Variants in STX8 observed in about 807,000 individuals in gnomAD.
The protein encoded by STX8 is syntaxin-8.
STX8 carries 23 observed loss-of-function variants against 37.5 expected under a neutral mutation model. The observed-to-expected ratio is 0.61, with a 90% confidence interval of 0.44 to 0.87. The LOEUF (loss-of-function observed/expected upper bound fraction) is 0.87. STX8 is among the 40% of genes least tolerant of loss of function. The pLI is 0.00. For synonymous variants in STX8, 115 were observed against 99.1 expected (o/e 1.16, Z -0.95); for missense variants, 313 against 284.7 (o/e 1.10, Z -0.71).
intron 7 of STX8, among the ~76,000 whole-genome samples, chr17:9,269,618 T>C (rs181738874): frequency 1.3e-5 from 2 of 152,376 alleles, no homozygotes; most frequent in East Asian, 1.9e-4. Flanking sequence ...AAAGGTCAGA[T>C]TTGGCTTTGC....
intron 6 of STX8, among the ~76,000 whole-genome samples, chr17:9,380,113 T>G (rs1467934128): frequency 6.6e-6 from 1 of 152,150 alleles, no homozygotes; most frequent in Non-Finnish European, 1.5e-5. Flanking sequence ...TTTGTATCCA[T>G]CTTTTTATAT....
intron 4 of STX8, 131 bp from the exon 5 acceptor site, chr17:9,505,293 T>A: frequency 3.1e-6 from 3 of 972,348 alleles, no homozygotes; most frequent in Non-Finnish European, 3.0e-6. Flanking sequence ...TATTGCATCA[T>A]TAGTTTATGC....
In STX8 at chr17:9,306,299, C is replaced by T. The variant is rs527823817; in HGVS notation, c.644-55654G>A. Among the ~76,000 whole-genome samples, 21 of 152,158 alleles carry T rather than the reference C, an allele frequency of 1.4e-4. No individual in the cohort carries two copies. In the South Asian group the frequency reaches 4.2e-3, roughly 30 times the overall value. On this transcript the variant is annotated intron_variant, in intron 7 of 7. Transcript: ENST00000306357. ...TTAATGACTCATTTCTCAGAACACA[C>T]CCCTGTTGTTAAGCGAAACAGACCT... is the stretch of plus-strand genomic sequence containing the variant.
At chr17:9,560,878 C>A (rs913030201) in intron 2 of STX8, among the ~76,000 whole-genome samples, 25 of 151,814 alleles carry the variant, frequency 1.6e-4, no homozygotes, top group African/African-American at 5.3e-4. Flanking sequence ...CAAAAAACTA[C>A]AATAGCTGAT....
intron 6 of STX8, among the ~76,000 whole-genome samples, chr17:9,383,259 C>G (rs1179406483): frequency 6.6e-6 from 1 of 152,112 alleles, no homozygotes; most frequent in Non-Finnish European, 1.5e-5. Context: ...CAACCTAGCA[C>G]AAAAGTTTTT....
In STX8 at chr17:9,575,797, G is replaced by C. The variant is rs998921795; in HGVS notation, c.12C>G (p.Asp4Glu). The change falls in exon 1 of 8, where the codon GAC becomes GAG. Residue 4 changes from aspartate to glutamate, a missense_variant. Asp to Glu is a conservative substitution (Grantham distance 45, BLOSUM62 2). Transcript: ENST00000306357. ...CGCCCTCACCCGGGACTCACCAGGG[G>C]TCCGGTGCCATCCTGCAGACTCCGC... Reference protein sequence around the residue: MAPDPWFSTYDSTC... With the variant: MAPEPWFSTYDSTC... 3.2e-6 allele frequency: 5 copies of C among 1,542,974 alleles called. No individual in the cohort carries two copies. The highest frequency in any genetic ancestry group is 4.4e-6 in the Non-Finnish European group (5 of 1,146,408).
chr17:9,317,124 G>A (rs1256867218), intron 7 of STX8, among the ~76,000 whole-genome samples: 2 of 152,148 alleles, frequency 1.3e-5, no homozygotes, highest in African/African-American at 4.8e-5. Context: ...TAACACAAGA[G>A]AGGACAAGAG....
At position 9,399,878 on chromosome 17, in the gene STX8, A is replaced by AAAG. The variant is rs1555523971; in HGVS notation, c.542-21226_542-21225insCTT. ...GAGACTCTGTCTCAAAAAAAAAAAA[A>AAAG]AAAGAAAGAAAGAAAGAAAGATGAG... On this transcript the variant is annotated intron_variant, in intron 6 of 7. Transcript: ENST00000306357. Among the ~76,000 whole-genome samples, 11 of 151,146 alleles carry AAAG rather than the reference A, an allele frequency of 7.3e-5. No individual in the cohort carries two copies. In the South Asian group the frequency reaches 8.3e-4, roughly 11 times the overall value.
chr17:9,304,127 G>C (rs1908875352), intron 7 of STX8, among the ~76,000 whole-genome samples: 1 of 150,632 alleles, frequency 6.6e-6, no homozygotes, highest in Admixed American at 6.6e-5. Context: ...TCAGCACTAA[G>C]AACATCAACA....
chr17:9,436,060 C>T lies in STX8; in HGVS notation c.541+55769G>A, dbSNP rs370151826. 8.5e-5 allele frequency among the ~76,000 whole-genome samples: 13 copies of T among 152,146 alleles called. 2 individuals are homozygous for T. In the East Asian group the frequency reaches 1.2e-3, roughly 14 times the overall value. ...CTAGCTAAATGAATGAAACAACATA[C>T]GTGGGTCCTGAAATGTTTTTCTTAA... is the stretch of plus-strand genomic sequence containing the variant. On this transcript the variant is annotated intron_variant, in intron 6 of 7. Coordinates refer to ENST00000306357, the MANE Select transcript of STX8 (RefSeq NM_004853.3).
intron 7 of STX8, among the ~76,000 whole-genome samples, chr17:9,288,140 CAA>C (rs60385667): frequency 3.3e-5 from 2 of 61,528 alleles, no homozygotes; most frequent in African/African-American, 6.8e-5. Context: ...AACAAACAAA[CAA>C]AAAAAAAAAA....
chr17:9,416,267 T>C (rs1018090636), intron 6 of STX8, among the ~76,000 whole-genome samples: 12 of 152,240 alleles, frequency 7.9e-5, no homozygotes, highest in Non-Finnish European at 1.2e-4. Context: ...GAGAGAAATG[T>C]AGCATGGCTG....
At chr17:9,467,587 G>A (rs1350402889) in intron 6 of STX8, among the ~76,000 whole-genome samples, 1 of 152,222 alleles carries the variant, frequency 6.6e-6, no homozygotes, top group African/African-American at 2.4e-5. Context: ...TTTGGAAAAG[G>A]AAGAGGAAAC....
At chr17:9,424,780 A>C (rs16958263) in intron 6 of STX8, among the ~76,000 whole-genome samples, 7,514 of 152,278 alleles carry the variant, frequency 0.049, 584 homozygotes, top group African/African-American at 0.17. Flanking sequence ...CAAAATCGAG[A>C]ATATCATCTT....
chr17:9,418,618 G>A (rs1477442311), intron 6 of STX8, among the ~76,000 whole-genome samples: 2 of 151,168 alleles, frequency 1.3e-5, no homozygotes, highest in Admixed American at 1.3e-4. Context: ...CATGAGATCA[G>A]GAGATCGAGA....
intron 7 of STX8, among the ~76,000 whole-genome samples, chr17:9,310,974 C>T (rs1246351395): frequency 2.0e-5 from 3 of 152,114 alleles, no homozygotes; most frequent in South Asian, 2.1e-4. Flanking sequence ...TGCAATGGCT[C>T]GTGCCTGTAA....
At chr17:9,296,973 T>C (rs567124811) in intron 7 of STX8, among the ~76,000 whole-genome samples, 1 of 152,246 alleles carries the variant, frequency 6.6e-6, no homozygotes, top group East Asian at 1.9e-4. Flanking sequence ...TTACATAAGC[T>C]GTCAAGAGAC....
At chr17:9,343,372 A>T (rs1910437384) in intron 7 of STX8, among the ~76,000 whole-genome samples, 1 of 152,200 alleles carries the variant, frequency 6.6e-6, no homozygotes, top group African/African-American at 2.4e-5. Context: ...AAACAGCCAC[A>T]TTGGAGCCAT....
At chr17:9,385,016 GAAA>G (rs58386863) in intron 6 of STX8, among the ~76,000 whole-genome samples, 1 of 131,172 alleles carries the variant, frequency 7.6e-6, no homozygotes, top group Admixed American at 7.7e-5. Context: ...GCTTCTAAAA[GAAA>G]AAAAAAAAAG....
Sources: allele counts gnomAD v4.1 joint callset (sites outside exome capture counted in the v4.1 genomes callset), GRCh38; gene constraint gnomAD v4.1.1; transcripts MANE v1.5; gene names NCBI Gene and HGNC (gene_info 2026-07-23, HGNC 2026-07-21).